AGMO: variants seen among roughly 807,000 people sequenced by gnomAD.
The protein encoded by AGMO is glyceryl-ether monooxygenase.
AGMO carries 75 observed loss-of-function variants against 60.2 expected under a neutral mutation model. The observed-to-expected ratio is 1.25, with a 90% CI of 1.03 to 1.51. The LOEUF (loss-of-function observed/expected upper bound fraction) is 1.51, where lower values mean the gene tolerates loss of function less well. AGMO is among the 40% of genes most tolerant of loss of function. The probability of loss-of-function intolerance (pLI) is 0.00; values close to 1 mark genes in which losing one functional copy is unlikely to be tolerated. For missense variants in AGMO, 763 were observed against 525.5 expected, an observed-to-expected ratio of 1.45 and a Z score of -4.42; for synonymous variants, 261 against 177.1, an observed-to-expected ratio of 1.47 and a Z score of -3.76.
At chr7:15,147,507 G>A in the AGMO span, among the ~76,000 whole-genome samples, 7 of 152,100 alleles carry the variant, frequency 4.6e-5, no homozygotes, top group African/African-American at 1.7e-4. Context: ...CCGCCTCCAC[G>A]ATTCAGTTAC....
At chr7:15,453,026 A>G (rs985751996) in intron 3 of AGMO, among the ~76,000 whole-genome samples, 4 of 152,166 alleles carry the variant, frequency 2.6e-5, no homozygotes, top group Non-Finnish European at 4.4e-5. Context: ...AGGCAACTCC[A>G]CAAAGACAGA....
intron 9 of AGMO, among the ~76,000 whole-genome samples, chr7:15,387,100 G>C (rs761148163): frequency 6.6e-6 from 1 of 152,144 alleles, no homozygotes; most frequent in African/African-American, 2.4e-5. Flanking sequence ...TGAGCTGCAT[G>C]TATTTGTGAA....
chr7:15,361,546 A>AAAAAAAAAAAAAGAAAAAAG (rs60239009), intron 12 of AGMO, among the ~76,000 whole-genome samples: 4 of 91,408 alleles, frequency 4.4e-5, no homozygotes, highest in Admixed American at 1.3e-4. Flanking sequence ...TCTCAAAAAA[A>AAAAAAAAAAAAAGAAAAAAG]AAAAAAAAGG....
chr7:15,196,114 C>T (rs1182979344), downstream of AGMO, among the ~76,000 whole-genome samples: 1 of 150,272 alleles, frequency 6.7e-6, no homozygotes, highest in Non-Finnish European at 1.5e-5. Context: ...GTGATCTCGG[C>T]TCACTGCAAC....
intron 4 of AGMO, among the ~76,000 whole-genome samples, chr7:15,419,151 G>C (rs1780860549): frequency 6.6e-6 from 1 of 151,886 alleles, no homozygotes; most frequent in East Asian, 1.9e-4. Flanking sequence ...GTTTTTGTAT[G>C]ATTGATTGAT....
intron 3 of AGMO, among the ~76,000 whole-genome samples, chr7:15,445,703 T>C (rs1372275248): frequency 6.6e-6 from 1 of 152,190 alleles, no homozygotes; most frequent in Non-Finnish European, 1.5e-5. Flanking sequence ...AGAATATGAC[T>C]ACACCAAATG....
the AGMO span, among the ~76,000 whole-genome samples, chr7:15,145,533 G>A: frequency 1.3e-5 from 2 of 152,018 alleles, no homozygotes; most frequent in African/African-American, 4.8e-5. Flanking sequence ...AGATATTAAT[G>A]ATGACTATCT....
intron 3 of AGMO, among the ~76,000 whole-genome samples, chr7:15,468,710 A>G (rs1453091819): frequency 1.3e-5 from 2 of 152,100 alleles, no homozygotes; most frequent in Non-Finnish European, 2.9e-5. Flanking sequence ...ACATATGTGT[A>G]TATGTGTGTG....
At chr7:15,260,426 A>G (rs1440315547) in intron 12 of AGMO, among the ~76,000 whole-genome samples, 2 of 152,124 alleles carry the variant, frequency 1.3e-5, no homozygotes, top group Non-Finnish European at 2.9e-5. Flanking sequence ...AGAGAGGGAT[A>G]TAATATAATG....
chr7:15,480,335 T>C (rs73679617), intron 3 of AGMO, among the ~76,000 whole-genome samples: 1,750 of 152,218 alleles, frequency 0.011, 34 homozygotes, highest in African/African-American at 0.04. Context: ...AATGCAATAA[T>C]GTTTAGAGTC....
At chr7:15,547,523 G>T (rs922346108) in intron 2 of AGMO, among the ~76,000 whole-genome samples, 10 of 152,168 alleles carry the variant, frequency 6.6e-5, no homozygotes, top group African/African-American at 2.4e-4. Context: ...AGGGGTCAGG[G>T]AGTTCCCTTT....
At chr7:15,367,832 C>G (rs899660207) in intron 10 of AGMO, among the ~76,000 whole-genome samples, 1 of 152,096 alleles carries the variant, frequency 6.6e-6, no homozygotes, top group Non-Finnish European at 1.5e-5. Context: ...TATGCAAGCA[C>G]TCTTTCCTTT....
chr7:15,302,839 A>G (rs967788200), intron 12 of AGMO, among the ~76,000 whole-genome samples: 1 of 152,188 alleles, frequency 6.6e-6, no homozygotes, highest in Admixed American at 6.5e-5. Context: ...CTTCATAAAG[A>G]TAGGACTGAA....
At chr7:15,191,316 T>C in the AGMO span, among the ~76,000 whole-genome samples, 1,058 of 152,262 alleles carry the variant, frequency 6.9e-3, 14 homozygotes, top group African/African-American at 0.025. Flanking sequence ...AACCCTCTTT[T>C]CCTCTAGAAC....
intron 3 of AGMO, among the ~76,000 whole-genome samples, chr7:15,493,907 G>T (rs1783149789): frequency 6.6e-6 from 1 of 152,120 alleles, no homozygotes; most frequent in African/African-American, 2.4e-5. Flanking sequence ...GGTTGTATGA[G>T]ATATTTTGAT....
chr7:15,151,312 T>A, the AGMO span, among the ~76,000 whole-genome samples: 1 of 152,042 alleles, frequency 6.6e-6, no homozygotes, highest in African/African-American at 2.4e-5. Flanking sequence ...GATTTTTGGA[T>A]CTCATTTGTG....
At chr7:15,223,050 T>C (rs1268774512) in intron 12 of AGMO, among the ~76,000 whole-genome samples, 4 of 152,016 alleles carry the variant, frequency 2.6e-5, no homozygotes, top group Admixed American at 1.3e-4. Context: ...CAATGAAGCA[T>C]TTCATGTAGT....
intron 5 of AGMO, among the ~76,000 whole-genome samples, chr7:15,400,410 A>G (rs575687408): frequency 5.8e-4 from 88 of 152,314 alleles, no homozygotes; most frequent in African/African-American, 1.7e-3. Flanking sequence ...GCCCCACAGT[A>G]AGAATTATCT....
At chr7:15,167,324 A>C in the AGMO span, among the ~76,000 whole-genome samples, 5 of 152,190 alleles carry the variant, frequency 3.3e-5, no homozygotes, top group African/African-American at 7.2e-5. Context: ...AAATTAAGCT[A>C]GTTATTTAAT....
Sources: gnomAD v4.1 joint callset for allele counts (sites outside exome capture counted in the v4.1 genomes callset) on GRCh38, gnomAD v4.1.1 for gene constraint, MANE v1.5 for transcripts, NCBI Gene and HGNC (gene_info 2026-07-23, HGNC 2026-07-21) for gene names.